CHLSN: variants seen among roughly 807,000 people sequenced by gnomAD.
CHLSN encodes the protein cholesin.
At chr7:1,070,913 C>T in the CHLSN span, among the ~76,000 whole-genome samples, 14 of 144,246 alleles carry the variant, frequency 9.7e-5, no homozygotes, top group South Asian at 2.0e-3. Flanking sequence ...TGCACGCACA[C>T]ACACAGCACG....
the CHLSN span, among the ~76,000 whole-genome samples, chr7:1,045,034 A>T: frequency 6.6e-6 from 1 of 152,234 alleles, no homozygotes; most frequent in Non-Finnish European, 1.5e-5. Flanking sequence ...TTAGTATTTT[A>T]AAGTGAGTTT....
the CHLSN span, among the ~76,000 whole-genome samples, chr7:1,016,897 C>T: frequency 7.5e-6 from 1 of 133,474 alleles, no homozygotes; most frequent in Admixed American, 7.5e-5. Flanking sequence ...CACCAGCGCA[C>T]AGCAGCACAC....
chr7:1,131,221 A>T, the CHLSN span, among the ~76,000 whole-genome samples: 1 of 150,098 alleles, frequency 6.7e-6, no homozygotes, highest in African/African-American at 2.5e-5. Context: ...AAAAAGAGTA[A>T]AGCAGGATAG....
chr7:1,103,936 C>T, the CHLSN span, among the ~76,000 whole-genome samples: 4 of 152,186 alleles, frequency 2.6e-5, no homozygotes, highest in Admixed American at 6.5e-5. Flanking sequence ...CTGGCCTGAA[C>T]GGCCCACAGC....
chr7:1,068,564 T>A, the CHLSN span, among the ~76,000 whole-genome samples: 1 of 152,152 alleles, frequency 6.6e-6, no homozygotes, highest in East Asian at 1.9e-4. Context: ...AGTGTCTTGC[T>A]TGCTTAGGTC....
the CHLSN span, among the ~76,000 whole-genome samples, chr7:996,659 C>A: frequency 6.6e-6 from 1 of 152,364 alleles, no homozygotes; most frequent in South Asian, 2.1e-4. Context: ...CGGCAGCTGC[C>A]CAGAGCTCTG....
At chr7:1,124,395 G>A in the CHLSN span, among the ~76,000 whole-genome samples, 4 of 151,512 alleles carry the variant, frequency 2.6e-5, no homozygotes, top group African/African-American at 7.3e-5. Flanking sequence ...GTGACGCCGC[G>A]CCCACCAAAG....
At chr7:1,064,173 C>A in the CHLSN span, among the ~76,000 whole-genome samples, 1 of 152,226 alleles carries the variant, frequency 6.6e-6, no homozygotes, top group Admixed American at 6.5e-5. Flanking sequence ...TCTGTCTCCT[C>A]CCCGGGAACA....
chr7:988,103 G>A, the CHLSN span, among the ~76,000 whole-genome samples: 2 of 152,032 alleles, frequency 1.3e-5, no homozygotes, highest in African/African-American at 4.8e-5. Context: ...GCCCCTGGCT[G>A]TGTGCCCTGG....
chr7:1,062,897 C>T, the CHLSN span, among the ~76,000 whole-genome samples: 1 of 152,192 alleles, frequency 6.6e-6, no homozygotes, highest in Non-Finnish European at 1.5e-5. Flanking sequence ...CCCCTAACCC[C>T]TAACTCTAAC....
the CHLSN span, among the ~76,000 whole-genome samples, chr7:1,104,540 C>T: frequency 6.6e-6 from 1 of 152,246 alleles, no homozygotes; most frequent in Non-Finnish European, 1.5e-5. Flanking sequence ...CAGAGCTTTC[C>T]TCCAGGTCAG....
the CHLSN span, among the ~76,000 whole-genome samples, chr7:1,131,289 T>A: frequency 1.5e-4 from 23 of 151,704 alleles, no homozygotes; most frequent in Non-Finnish European, 3.1e-4. Context: ...CCTGGCAGCA[T>A]TGAGCCCACC....
chr7:1,065,811 A>T, the CHLSN span, among the ~76,000 whole-genome samples: 8 of 152,340 alleles, frequency 5.3e-5, no homozygotes, highest in African/African-American at 1.9e-4. Flanking sequence ...GGAAAGGGAC[A>T]GGGCTCTCTT....
chr7:1,101,865 C>T, the CHLSN span, among the ~76,000 whole-genome samples: 1 of 152,268 alleles, frequency 6.6e-6, no homozygotes, highest in Non-Finnish European at 1.5e-5. Context: ...GCTCGGCCTC[C>T]AGAAAACGAG....
At chr7:1,125,481 C>T in the CHLSN span, among the ~76,000 whole-genome samples, 1 of 152,224 alleles carries the variant, frequency 6.6e-6, no homozygotes, top group East Asian at 1.9e-4. Context: ...TGTAACAAGC[C>T]AGCACCGGGC....
At chr7:1,062,539 GGC>G in the CHLSN span, among the ~76,000 whole-genome samples, 157 of 152,308 alleles carry the variant, frequency 1.0e-3, no homozygotes, top group Non-Finnish European at 2.0e-3. Context: ...CTTGGCTGCT[GGC>G]GAAGGAGTAA....
the CHLSN span, among the ~76,000 whole-genome samples, chr7:982,512 C>T: frequency 6.6e-6 from 1 of 152,232 alleles, no homozygotes; most frequent in Non-Finnish European, 1.5e-5. Context: ...ACCTGCCACC[C>T]GGCAGCCCTT....
chr7:1,034,599 T>C, the CHLSN span, among the ~76,000 whole-genome samples: 2 of 152,176 alleles, frequency 1.3e-5, no homozygotes, highest in Non-Finnish European at 2.9e-5. Flanking sequence ...TGCCCCATGT[T>C]AGCAATGTGA....
chr7:997,421 G>T, the CHLSN span: 2 of 518,992 alleles, frequency 3.9e-6, no homozygotes, highest in South Asian at 5.9e-5. Flanking sequence ...AGCCGTCACC[G>T]GCCAAGGAGG....
Sources: gnomAD v4.1 joint callset for allele counts (sites outside exome capture counted in the v4.1 genomes callset) on GRCh38, gnomAD v4.1.1 for gene constraint, MANE v1.5 for transcripts, NCBI Gene and HGNC (gene_info 2026-07-23, HGNC 2026-07-21) for gene names.